KIAA0825: variants seen among roughly 807,000 people sequenced by gnomAD.
KIAA0825 encodes uncharacterized protein KIAA0825.
KIAA0825 carries 119 observed loss-of-function variants against 147.6 expected under a neutral mutation model. The observed-to-expected ratio is 0.81, with a 90% CI of 0.69 to 0.94. KIAA0825 has a LOEUF of 0.94. Ranked by LOEUF, KIAA0825 falls within the 40% of genes least tolerant of loss-of-function variation. KIAA0825 has a pLI of 0.00. For missense variants in KIAA0825, 1,381 were observed against 1,472.7 expected (o/e 0.94, Z 1.02); for synonymous variants, 470 against 518.1 (o/e 0.91, Z 1.26).
At chr5:94,604,326 T>C (rs1787075780) in intron 1 of KIAA0825, among the ~76,000 whole-genome samples, 1 of 152,088 alleles carries the variant, frequency 6.6e-6, no homozygotes. Flanking sequence ...CCAAGATGGG[T>C]GGATCTCCTG....
intron 20 of KIAA0825, among the ~76,000 whole-genome samples, chr5:94,346,038 T>C (rs1261739264): frequency 1.3e-5 from 2 of 152,126 alleles, no homozygotes; most frequent in South Asian, 2.1e-4. Context: ...TAGTCAGGGG[T>C]CGATCTTTAA....
At chr5:94,270,174 T>A (rs1776919883) in intron 20 of KIAA0825, among the ~76,000 whole-genome samples, 1 of 152,060 alleles carries the variant, frequency 6.6e-6, no homozygotes, top group Non-Finnish European at 1.5e-5. Context: ...ACTGGGGAAC[T>A]GCATTAGCTG....
chr5:94,553,979 G>A (rs911402028), intron 2 of KIAA0825, among the ~76,000 whole-genome samples: 3 of 152,124 alleles, frequency 2.0e-5, no homozygotes, highest in Non-Finnish European at 4.4e-5. Flanking sequence ...GACTGTCAGA[G>A]CCACTTTTGA....
At chr5:94,201,847 G>A (rs1771728255) in intron 20 of KIAA0825, among the ~76,000 whole-genome samples, 1 of 152,200 alleles carries the variant, frequency 6.6e-6, no homozygotes, top group African/African-American at 2.4e-5. Flanking sequence ...GGGCAAATCA[G>A]AATTTATAGC....
At chr5:94,239,888 A>G (rs755965585) in intron 20 of KIAA0825, among the ~76,000 whole-genome samples, 6 of 152,184 alleles carry the variant, frequency 3.9e-5, no homozygotes, top group Non-Finnish European at 2.9e-5. Context: ...ATAGTTGTAC[A>G]GTCTTTAACT....
chr5:94,168,895 C>G (rs773144047), intron 20 of KIAA0825, among the ~76,000 whole-genome samples: 5 of 152,104 alleles, frequency 3.3e-5, no homozygotes, highest in Non-Finnish European at 7.4e-5. Context: ...GGTGTTTATT[C>G]CATATATTTA....
At chr5:94,579,045 C>T (rs781467776) in intron 2 of KIAA0825, among the ~76,000 whole-genome samples, 2 of 152,130 alleles carry the variant, frequency 1.3e-5, no homozygotes, top group Admixed American at 1.3e-4. Flanking sequence ...TCAGCCCCGC[C>T]CCCGTAGCTG....
At chr5:94,289,652 G>T (rs567515280) in intron 20 of KIAA0825, among the ~76,000 whole-genome samples, 2 of 151,276 alleles carry the variant, frequency 1.3e-5, no homozygotes, top group African/African-American at 2.5e-5. Context: ...TTTGGTTGAG[G>T]TCTTAACATA....
intron 20 of KIAA0825, among the ~76,000 whole-genome samples, chr5:94,262,876 T>C (rs567383253): frequency 6.6e-6 from 1 of 152,082 alleles, no homozygotes; most frequent in East Asian, 1.9e-4. Flanking sequence ...TCCCAGAAAA[T>C]TTATTTCCTT....
At chr5:94,234,003 T>G (rs1774883195) in intron 20 of KIAA0825, among the ~76,000 whole-genome samples, 1 of 152,234 alleles carries the variant, frequency 6.6e-6, no homozygotes, top group African/African-American at 2.4e-5. Context: ...CAGCATGTGC[T>G]CATTTCATGT....
intron 2 of KIAA0825, among the ~76,000 whole-genome samples, chr5:94,548,861 A>T (rs1226064504): frequency 6.6e-6 from 1 of 152,208 alleles, no homozygotes; most frequent in Admixed American, 6.5e-5. Flanking sequence ...TAAAGGGGTC[A>T]ATTCACCAAG....
intron 12 of KIAA0825, among the ~76,000 whole-genome samples, chr5:94,456,673 A>C (rs1483671998): frequency 1.3e-5 from 2 of 152,222 alleles, no homozygotes; most frequent in Admixed American, 6.5e-5. Flanking sequence ...ATAGTAAATC[A>C]CCTCACAGAG....
In KIAA0825 at chr5:94,154,023, T is replaced by C. The variant is rs1766800714; in HGVS notation, c.3812A>G (p.Asn1271Ser). 1.3e-6 allele frequency: 2 copies of C among 1,550,392 alleles called. No individual in the cohort carries two copies. The highest frequency in any genetic ancestry group is 2.4e-5 in the East Asian group (1 of 40,922). ...TTCTGCAGATTACTGTTCCTCTATG[T>C]TATCTGAGGCAGAAGAGTTCTGTGG... ...CTPQNSSASD[N>S]IEEQ The change falls in exon 21 of 21, where the codon AAC becomes AGC. Residue 1271 changes from asparagine (N) to serine (S), a missense_variant. Physicochemically the swap from Asn to Ser is conservative, Grantham distance 46. Coordinates refer to ENST00000682413, the MANE Select transcript of KIAA0825 (RefSeq NM_001145678.3).
At chr5:94,219,035 AC>A (rs1294557278) in intron 20 of KIAA0825, among the ~76,000 whole-genome samples, 1 of 152,014 alleles carries the variant, frequency 6.6e-6, no homozygotes, top group African/African-American at 2.4e-5. Context: ...AGGTCCCCAA[AC>A]TTTTTGGCAC....
intron 5 of KIAA0825, among the ~76,000 whole-genome samples, chr5:94,486,672 T>G (rs1181914890): frequency 6.6e-6 from 1 of 152,158 alleles, no homozygotes; most frequent in Non-Finnish European, 1.5e-5. Context: ...AACACAAGTA[T>G]GTATAGGCAG....
At chr5:94,304,196 G>A (rs1288792818) in intron 20 of KIAA0825, among the ~76,000 whole-genome samples, 2 of 152,122 alleles carry the variant, frequency 1.3e-5, no homozygotes, top group Non-Finnish European at 2.9e-5. Flanking sequence ...TAAAAGTCAT[G>A]AGACATTGCT....
At chr5:94,594,460 A>C in intron 1 of KIAA0825, 1 of 740,916 alleles carries the variant, frequency 1.3e-6, no homozygotes. Flanking sequence ...TGTATCTTGG[A>C]AGAAAGAAAA....
chr5:94,325,613 A>G (rs1455381731), intron 20 of KIAA0825, among the ~76,000 whole-genome samples: 1 of 151,986 alleles, frequency 6.6e-6, no homozygotes. Context: ...AGCAAATCTC[A>G]ATTAACTTTA....
chr5:94,293,240 G>T (rs1226964169), intron 20 of KIAA0825, among the ~76,000 whole-genome samples: 1 of 152,094 alleles, frequency 6.6e-6, no homozygotes, highest in Non-Finnish European at 1.5e-5. Flanking sequence ...TTTCTCTTCT[G>T]GGCATTTAGT....
Sources: gnomAD v4.1 joint callset for allele counts (sites outside exome capture counted in the v4.1 genomes callset) on GRCh38, gnomAD v4.1.1 for gene constraint, MANE v1.5 for transcripts, NCBI Gene and HGNC (gene_info 2026-07-23, HGNC 2026-07-21) for gene names.